MAD1L1: variants seen among roughly 807,000 people sequenced by gnomAD.
The protein encoded by MAD1L1 is mitotic arrest deficient 1 like 1.
Under a neutral mutation model 96.9 loss-of-function variants are expected in MAD1L1, and 95 were observed. The observed-to-expected ratio is 0.98, with a 90% CI of 0.83 to 1.16. The LOEUF is 1.16. MAD1L1 is among the 50% of genes most tolerant of loss of function. The pLI, the probability that MAD1L1 is intolerant of heterozygous loss-of-function variation, is 0.00. For missense variants in MAD1L1, 1,007 were observed against 954.4 expected (o/e 1.06, Z -0.73); for synonymous variants, 473 against 396.6 (o/e 1.19, Z -2.29).
chr7:2,002,768 G>A (rs867356688), intron 13 of MAD1L1, among the ~76,000 whole-genome samples: 1 of 152,218 alleles, frequency 6.6e-6, no homozygotes, highest in Non-Finnish European at 1.5e-5. Context: ...GTCTGGTTGT[G>A]GGGCCAGGAT....
At chr7:1,936,978 G>T in intron 16 of MAD1L1, 81 bp from the exon 17 acceptor site, 2 of 1,155,204 alleles carry the variant, frequency 1.7e-6, no homozygotes, top group Non-Finnish European at 2.5e-6. Context: ...GGTCACCATG[G>T]CCCAGGAAGA....
intron 18 of MAD1L1, among the ~76,000 whole-genome samples, chr7:1,850,450 G>T (rs1439030719): frequency 6.6e-6 from 1 of 152,222 alleles, no homozygotes; most frequent in Non-Finnish European, 1.5e-5. Flanking sequence ...ACTGGCTGTG[G>T]GGCCCAGGCT....
At chr7:2,198,362 C>T (rs943567536) in intron 10 of MAD1L1, among the ~76,000 whole-genome samples, 2 of 152,186 alleles carry the variant, frequency 1.3e-5, no homozygotes, top group Admixed American at 1.3e-4. Context: ...TTTGCTTCTG[C>T]CAGCCACTCA....
chr7:2,225,386 G>A (rs770631467), intron 4 of MAD1L1, 24 bp downstream of exon 4: 22 of 1,610,900 alleles, frequency 1.4e-5, no homozygotes, highest in East Asian at 2.2e-5. Flanking sequence ...TGTCTGGGCC[G>A]ACCCTCGCCC....
At chr7:2,010,443 T>C (rs373401842) in intron 13 of MAD1L1, among the ~76,000 whole-genome samples, 14 of 152,254 alleles carry the variant, frequency 9.2e-5, no homozygotes, top group African/African-American at 3.4e-4. Flanking sequence ...ATTAAATAAA[T>C]CGGAAACACA....
In MAD1L1 at chr7:1,831,108, G is replaced by A. The variant is rs151234447; in HGVS notation, c.1999-14880C>T. On this transcript the variant is annotated intron_variant, in intron 18 of 18. Transcript: ENST00000265854. Reference sequence around the variant, plus strand: ...CACATGAGCACACCTCGCTTCATCCGTGGCCTGACTGTGCCTCACAGACAC... The same window carrying A: ...CACATGAGCACACCTCGCTTCATCCATGGCCTGACTGTGCCTCACAGACAC... 7.0e-4 allele frequency among the ~76,000 whole-genome samples: 107 copies of A among 152,344 alleles called. No homozygotes were observed. In the East Asian group the frequency reaches 0.014, roughly 19 times the overall value.
chr7:2,129,139 C>T (rs543995271), intron 11 of MAD1L1, among the ~76,000 whole-genome samples: 30 of 152,240 alleles, frequency 2.0e-4, no homozygotes, highest in South Asian at 6.2e-4. Context: ...GGGCAGGGAC[C>T]GGGCAGGCGC....
At chr7:2,225,733 G>C (rs1383831505) in intron 3 of MAD1L1, 183 bp from the exon 4 acceptor site, 4 of 635,378 alleles carry the variant, frequency 6.3e-6, no homozygotes, top group Non-Finnish European at 1.1e-5. Context: ...AAACGGGAAG[G>C]TGAAAAAGCC....
At chr7:1,847,001 C>T (rs1249317901) in intron 18 of MAD1L1, 1 of 334,192 alleles carries the variant, frequency 3.0e-6, no homozygotes, top group African/African-American at 2.2e-5. Flanking sequence ...TCATTGACCA[C>T]ATTCATTACA....
chr7:2,148,399 C>A, intron 11 of MAD1L1: 1 of 153,348 alleles, frequency 6.5e-6, no homozygotes. Flanking sequence ...CCCCACAGGT[C>A]CCACCGGATG....
chr7:2,122,487 A>G (rs1323443209), intron 11 of MAD1L1, among the ~76,000 whole-genome samples: 1 of 152,116 alleles, frequency 6.6e-6, no homozygotes, highest in Non-Finnish European at 1.5e-5. Context: ...GCCAGGTCCC[A>G]GCTACTCGGG....
chr7:1,921,465 C>G (rs1342579800), intron 17 of MAD1L1, among the ~76,000 whole-genome samples: 16 of 152,084 alleles, frequency 1.1e-4, no homozygotes, highest in Admixed American at 1.0e-3. Context: ...GCTGGGACTA[C>G]AGACACCCTC....
intron 10 of MAD1L1, among the ~76,000 whole-genome samples, chr7:2,166,145 C>T (rs908349795): frequency 1.3e-5 from 2 of 152,198 alleles, no homozygotes; most frequent in African/African-American, 2.4e-5. Flanking sequence ...ATCCAGACCT[C>T]GCCTCCCAGG....
chr7:1,926,674 C>T (rs1355443699), intron 17 of MAD1L1, among the ~76,000 whole-genome samples: 3 of 152,282 alleles, frequency 2.0e-5, no homozygotes, highest in East Asian at 1.9e-4. Context: ...ATCTGACAGA[C>T]GCCAACATCC....
chr7:1,900,278 C>T (rs1033535535), intron 17 of MAD1L1, among the ~76,000 whole-genome samples: 3 of 152,230 alleles, frequency 2.0e-5, no homozygotes, highest in Admixed American at 1.3e-4. Flanking sequence ...GAAGGAGCAG[C>T]GGTGCAGGGA....
intron 17 of MAD1L1, among the ~76,000 whole-genome samples, chr7:1,904,141 G>C (rs565398086): frequency 7.7e-5 from 11 of 142,566 alleles, no homozygotes; most frequent in Non-Finnish European, 9.2e-5. Flanking sequence ...AGGCAGCGAG[G>C]ACGCAGTGGC....
At position 2,132,111 on chromosome 7, in the gene MAD1L1, C is replaced by T. The variant is rs2128568662; in HGVS notation, c.1073+17041G>A. ...TGTCTCAATCTGACCCCTGGGACAG[C>T]TCTCTCTAGCCTCATCTTACTTGCT... On this transcript the variant is annotated intron_variant, in intron 11 of 18. Coordinates refer to ENST00000265854, the MANE Select transcript of MAD1L1 (RefSeq NM_001013836.2). Among the ~76,000 whole-genome samples the T allele has an allele frequency of 1.3e-5, 2 of 152,346 alleles. 1 individual carries two copies. Among genetic ancestry groups the T allele is most frequent in the South Asian group, 4.1e-4 (2 of 4,826 alleles).
At chr7:2,153,776 T>C (rs1789692305) in intron 10 of MAD1L1, among the ~76,000 whole-genome samples, 8 of 152,182 alleles carry the variant, frequency 5.3e-5, no homozygotes, top group Admixed American at 5.2e-4. Context: ...ATGGCAAAGA[T>C]ACGGAATTAA....
intron 12 of MAD1L1, among the ~76,000 whole-genome samples, chr7:2,049,509 TAAACAC>T (rs1333940256): frequency 6.6e-6 from 1 of 152,128 alleles, no homozygotes; most frequent in Non-Finnish European, 1.5e-5. Flanking sequence ...AAATTTAGTT[TAAACAC>T]ACACAGATTT....
Sources: gnomAD v4.1 joint callset for allele counts (sites outside exome capture counted in the v4.1 genomes callset) on GRCh38, gnomAD v4.1.1 for gene constraint, MANE v1.5 for transcripts, NCBI Gene and HGNC (gene_info 2026-07-23, HGNC 2026-07-21) for gene names.